The following RABGAP1L variants were observed in gnomAD, a reference collection of about 807,000 sequenced individuals.
The protein encoded by RABGAP1L is RAB GTPase activating protein 1 like.
RABGAP1L carries 63 observed loss-of-function variants against 137.7 expected under a neutral mutation model. The observed-to-expected ratio is 0.46, with a 90% CI of 0.37 to 0.56. The LOEUF is 0.56. Ranked by LOEUF, RABGAP1L falls within the 20% of genes least tolerant of loss-of-function variation. The pLI is 0.00. For synonymous variants in RABGAP1L, 431 were observed against 433.7 expected (o/e 0.99, Z 0.08); for missense variants, 1,095 against 1,244.0 (o/e 0.88, Z 1.80).
intron 18 of RABGAP1L, among the ~76,000 whole-genome samples, chr1:174,805,117 AATATTG>A (rs1689160624): frequency 6.6e-6 from 1 of 152,222 alleles, no homozygotes; most frequent in African/African-American, 2.4e-5. Context: ...TTAACTTTTG[AATATTG>A]GATATGCTTG....
intron 14 of RABGAP1L, among the ~76,000 whole-genome samples, chr1:174,678,192 A>G (rs1677780358): frequency 6.6e-6 from 1 of 152,196 alleles, no homozygotes; most frequent in Non-Finnish European, 1.5e-5. Flanking sequence ...AATTGAAACA[A>G]AAAGAAAATG....
intron 14 of RABGAP1L, among the ~76,000 whole-genome samples, chr1:174,654,194 T>C (rs966911309): frequency 6.6e-6 from 1 of 152,234 alleles, no homozygotes; most frequent in African/African-American, 2.4e-5. Context: ...CACCTTAATA[T>C]TCCTGCTGTG....
chr1:174,455,875 T>G (rs2149268708), intron 13 of RABGAP1L, among the ~76,000 whole-genome samples: 1 of 152,180 alleles, frequency 6.6e-6, no homozygotes, highest in Non-Finnish European at 1.5e-5. Flanking sequence ...TATAGGAATC[T>G]GAGATAAGAT....
chr1:174,176,741 A>ATAAAAAAAAAT (rs1553248315), intron 1 of RABGAP1L, among the ~76,000 whole-genome samples: 13 of 111,804 alleles, frequency 1.2e-4, no homozygotes, highest in South Asian at 5.7e-4. Flanking sequence ...AAAAAAAAAA[A>ATAAAAAAAAAT]AAAAAGGTCA....
At chr1:174,895,741 C>T (rs1167014702) in intron 19 of RABGAP1L, among the ~76,000 whole-genome samples, 6 of 152,138 alleles carry the variant, frequency 3.9e-5, no homozygotes, top group African/African-American at 1.4e-4. Context: ...TGGTTTCCAG[C>T]TTCATCCATG....
chr1:174,447,890 G>GCCC (rs11321562), intron 13 of RABGAP1L, among the ~76,000 whole-genome samples: 116 of 69,594 alleles, frequency 1.7e-3, no homozygotes, highest in East Asian at 3.5e-3. Context: ...ACCCCTTACC[G>GCCC]CCCCCCCCCC....
intron 17 of RABGAP1L, among the ~76,000 whole-genome samples, chr1:174,725,179 C>G (rs999350525): frequency 2.6e-5 from 4 of 152,128 alleles, no homozygotes; most frequent in Non-Finnish European, 5.9e-5. Context: ...ATAAGGAGAC[C>G]AGGGAAACCA....
chr1:174,746,427 G>T lies in RABGAP1L; in HGVS notation c.2170-5886G>T, dbSNP rs138691720. Among the ~76,000 whole-genome samples, 182 of 152,346 alleles carry T rather than the reference G, an allele frequency of 1.2e-3. 2 individuals carry two copies. The highest frequency in any genetic ancestry group is 4.1e-3 in the African/African-American group (171 of 41,580). On this transcript the variant is annotated intron_variant, in intron 17 of 25. Transcript: ENST00000681986. ...TGGTGACCCTTTCTTCCCACAGCAAGTTGGGTTTTTGTTGCCTCATATACT... is the reference window on the plus strand; with the variant it reads ...TGGTGACCCTTTCTTCCCACAGCAATTTGGGTTTTTGTTGCCTCATATACT...
intron 13 of RABGAP1L, among the ~76,000 whole-genome samples, chr1:174,618,118 C>G (rs978158761): frequency 1.3e-5 from 2 of 152,194 alleles, no homozygotes; most frequent in African/African-American, 4.8e-5. Flanking sequence ...ATTGCTGAGG[C>G]TTGAGTAGGT....
At chr1:174,802,092 T>C (rs181853989) in intron 18 of RABGAP1L, among the ~76,000 whole-genome samples, 1 of 152,240 alleles carries the variant, frequency 6.6e-6, no homozygotes, top group Admixed American at 6.5e-5. Flanking sequence ...AAACTGCCTC[T>C]AGTCTGAAAA....
chr1:174,201,153 C>T (rs894465693), intron 1 of RABGAP1L, among the ~76,000 whole-genome samples: 5 of 151,862 alleles, frequency 3.3e-5, no homozygotes, highest in Non-Finnish European at 5.9e-5. Context: ...CAAGAGTCTC[C>T]CTCTGTTGCT....
At chr1:174,757,689 A>G (rs1263375338) in intron 18 of RABGAP1L, among the ~76,000 whole-genome samples, 1 of 151,928 alleles carries the variant, frequency 6.6e-6, no homozygotes, top group Admixed American at 6.6e-5. Context: ...TGGGGAGAAT[A>G]TCCAGTTTCT....
At chr1:174,452,606 G>A (rs1049907451) in intron 13 of RABGAP1L, among the ~76,000 whole-genome samples, 2 of 152,026 alleles carry the variant, frequency 1.3e-5, no homozygotes, top group African/African-American at 4.8e-5. Context: ...CTGTTGCCCA[G>A]GCTGGAGTGC....
At chr1:174,243,798 C>T in intron 5 of RABGAP1L, among the ~76,000 whole-genome samples, 1 of 152,106 alleles carries the variant, frequency 6.6e-6, no homozygotes, top group East Asian at 1.9e-4. Context: ...TTTGGTTACC[C>T]TTTGTTTATC....
chr1:174,350,519 T>C (rs1347919908), intron 11 of RABGAP1L, among the ~76,000 whole-genome samples: 474 of 135,612 alleles, frequency 3.5e-3, no homozygotes, highest in Non-Finnish European at 5.2e-3. Flanking sequence ...CGCTCCTCAC[T>C]TCCTAGATGT....
intron 13 of RABGAP1L, among the ~76,000 whole-genome samples, chr1:174,546,528 C>G (rs1666022820): frequency 2.0e-5 from 3 of 152,152 alleles, no homozygotes; most frequent in Admixed American, 2.0e-4. Context: ...CATTTATCAG[C>G]TCTTTGCTTT....
At chr1:174,384,306 G>C (rs1289347843) in intron 12 of RABGAP1L, among the ~76,000 whole-genome samples, 1 of 152,132 alleles carries the variant, frequency 6.6e-6, no homozygotes, top group East Asian at 1.9e-4. Context: ...TTTGGGTATG[G>C]GGGGAATGAG....
At chr1:174,262,609 A>G (rs1204424160) in intron 7 of RABGAP1L, among the ~76,000 whole-genome samples, 1 of 152,138 alleles carries the variant, frequency 6.6e-6, no homozygotes, top group East Asian at 1.9e-4. Flanking sequence ...CAATTTGCAG[A>G]CCTCTATTGC....
chr1:174,765,311 G>C (rs529695062), intron 18 of RABGAP1L, among the ~76,000 whole-genome samples: 2 of 152,110 alleles, frequency 1.3e-5, no homozygotes, highest in South Asian at 2.1e-4. Context: ...GAATGCGCCC[G>C]ATCTCATCTG....
Sources: allele counts gnomAD v4.1 joint callset (sites outside exome capture counted in the v4.1 genomes callset), GRCh38; gene constraint gnomAD v4.1.1; transcripts MANE v1.5; gene names NCBI Gene and HGNC (gene_info 2026-07-23, HGNC 2026-07-21).